CFAP20DC: variants seen among roughly 807,000 people sequenced by gnomAD.
CFAP20DC encodes the protein CFAP20 domain containing, also known as protein CFAP20DC.
Under a neutral mutation model 101.7 loss-of-function variants are expected in CFAP20DC, and 84 were observed. The ratio of observed to expected loss-of-function variants is 0.83; its 90% CI spans 0.69 to 0.99. The LOEUF (loss-of-function observed/expected upper bound fraction) is 0.99. Ranked by LOEUF, CFAP20DC falls within the 50% of genes least tolerant of loss-of-function variation. The pLI, the probability that CFAP20DC is intolerant of heterozygous loss-of-function variation, is 0.00. For synonymous variants in CFAP20DC, 359 were observed against 351.2 expected, an observed-to-expected ratio of 1.02 and a Z score of -0.25; for missense variants, 1,007 against 970.3, an observed-to-expected ratio of 1.04 and a Z score of -0.50.
intron 14 of CFAP20DC, among the ~76,000 whole-genome samples, chr3:58,816,835 C>A (rs1203288853): frequency 6.6e-6 from 1 of 152,174 alleles, no homozygotes; most frequent in Admixed American, 6.5e-5. Context: ...CCTCTGGGGG[C>A]AGGGCACAGA....
At chr3:59,032,363 G>A (rs962322489) in intron 4 of CFAP20DC, among the ~76,000 whole-genome samples, 8 of 151,954 alleles carry the variant, frequency 5.3e-5, no homozygotes, top group Admixed American at 6.6e-5. Flanking sequence ...TTCACTCCCC[G>A]GGAAAGGGGG....
intron 4 of CFAP20DC, among the ~76,000 whole-genome samples, chr3:59,016,607 T>C (rs2093695183): frequency 6.6e-6 from 1 of 152,178 alleles, no homozygotes; most frequent in South Asian, 2.1e-4. Flanking sequence ...ACATTGTATA[T>C]ACACATTGAA....
At chr3:59,030,393 T>C (rs887267885) in intron 4 of CFAP20DC, among the ~76,000 whole-genome samples, 4 of 152,254 alleles carry the variant, frequency 2.6e-5, no homozygotes, top group Non-Finnish European at 5.9e-5. Context: ...TATATTTTGA[T>C]TGTCTATCAG....
At chr3:59,034,086 A>G (rs1381972615) in intron 4 of CFAP20DC, among the ~76,000 whole-genome samples, 1 of 152,236 alleles carries the variant, frequency 6.6e-6, no homozygotes, top group Non-Finnish European at 1.5e-5. Context: ...TTTCATATCC[A>G]GTCAAACTAA....
rs769310453 is a variant in CFAP20DC, at chr3:59,047,168, C to G, written c.108G>C (p.Trp36Cys). 10 of 1,529,612 alleles carry G rather than the reference C, an allele frequency of 6.5e-6. No homozygotes were observed. In the South Asian group the frequency reaches 1.2e-4, roughly 18 times the overall value. The allele number at this position is 1,529,612 out of a possible 1,614,324, so 94.8% of individuals were successfully genotyped here. The part of the protein sequence containing the change: ...WKILGSPSVI[W>C]KEFDKEVKSF... Reference sequence around the variant, plus strand: ...GGCTCTAATTTCTAATACTTACTTTCCAAATCACAGATGGACTACCAAGGA... The same window carrying G: ...GGCTCTAATTTCTAATACTTACTTTGCAAATCACAGATGGACTACCAAGGA... The change falls in exon 2 of 17, where the codon TGG becomes TGC. Residue 36 changes from tryptophan to cysteine, a missense_variant. Trp to Cys is a radical substitution (Grantham distance 215, BLOSUM62 -2). Coordinates refer to ENST00000482387, the MANE Select transcript of CFAP20DC (RefSeq NM_001394063.1).
chr3:59,021,831 C>A (rs1451521291), intron 4 of CFAP20DC, among the ~76,000 whole-genome samples: 1 of 151,984 alleles, frequency 6.6e-6, no homozygotes, highest in Non-Finnish European at 1.5e-5. Context: ...GAGAGAGAGA[C>A]CTGTTGACAA....
chr3:58,758,621 T>C (rs1254123565), intron 15 of CFAP20DC, among the ~76,000 whole-genome samples: 1 of 152,116 alleles, frequency 6.6e-6, no homozygotes, highest in Admixed American at 6.6e-5. Context: ...ATGTGCCATG[T>C]TGGTGTGCTG....
intron 12 of CFAP20DC, among the ~76,000 whole-genome samples, chr3:58,852,533 C>T (rs1250743728): frequency 5.9e-5 from 9 of 152,174 alleles, no homozygotes; most frequent in East Asian, 5.8e-4. Flanking sequence ...CAACAGAATA[C>T]ACATTTTTTT....
intron 4 of CFAP20DC, among the ~76,000 whole-genome samples, chr3:58,980,425 T>C (rs1405652806): frequency 6.6e-6 from 1 of 152,064 alleles, no homozygotes; most frequent in Admixed American, 6.5e-5. Flanking sequence ...TAGACCAATA[T>C]CCTTGATGAA....
chr3:58,755,746 C>T (rs2068902245), intron 15 of CFAP20DC, among the ~76,000 whole-genome samples: 1 of 152,152 alleles, frequency 6.6e-6, no homozygotes, highest in African/African-American at 2.4e-5. Context: ...GTATATCCTT[C>T]ACCCAGTTTC....
chr3:58,758,960 C>T (rs1395241648), intron 15 of CFAP20DC, among the ~76,000 whole-genome samples: 1 of 152,046 alleles, frequency 6.6e-6, no homozygotes, highest in Non-Finnish European at 1.5e-5. Flanking sequence ...GGGTTGGTTC[C>T]AAGTCTTTGC....
intron 3 of CFAP20DC, among the ~76,000 whole-genome samples, chr3:58,730,663 T>C (rs960270911): frequency 1.3e-5 from 2 of 152,238 alleles, no homozygotes; most frequent in Admixed American, 6.5e-5. Flanking sequence ...GGGGTGACTA[T>C]GGCTGGAGAA....
At chr3:58,856,265 G>GACACACACACACACACAC (rs536277954) in intron 12 of CFAP20DC, among the ~76,000 whole-genome samples, 10 of 124,068 alleles carry the variant, frequency 8.1e-5, no homozygotes, top group Non-Finnish European at 1.4e-4. Context: ...TTCATCTTCT[G>GACACACACACACACACAC]ACACACACAC....
At chr3:58,838,896 C>G (rs538814644) in intron 13 of CFAP20DC, among the ~76,000 whole-genome samples, 1 of 152,232 alleles carries the variant, frequency 6.6e-6, no homozygotes, top group African/African-American at 2.4e-5. Context: ...CAAGGATATG[C>G]CATCTACAGG....
At chr3:58,950,648 C>G (rs1427572763) in intron 4 of CFAP20DC, among the ~76,000 whole-genome samples, 2 of 152,096 alleles carry the variant, frequency 1.3e-5, no homozygotes, top group African/African-American at 2.4e-5. Context: ...CTGAGAAAAA[C>G]AAGAAATAGG....
At chr3:58,965,479 A>G (rs1365531795) in intron 4 of CFAP20DC, among the ~76,000 whole-genome samples, 1 of 152,104 alleles carries the variant, frequency 6.6e-6, no homozygotes, top group African/African-American at 2.4e-5. Context: ...GTTCAGGCTA[A>G]AGTTTAGGTT....
At position 58,728,598 on chromosome 3, in the gene CFAP20DC, TAA is replaced by T. The variant is rs2067589803; in HGVS notation, c.198-10972_198-10971del. ...ATTCTGTGCTGAGCTAGCACAGAATTAAGTCAGTAACTTAAAAACATAAATGA... is the reference window on the plus strand; with the variant it reads ...ATTCTGTGCTGAGCTAGCACAGAATTGTCAGTAACTTAAAAACATAAATGA... On this transcript the variant is annotated intron_variant, in intron 3 of 3. Coordinates refer to the CFAP20DC transcript ENST00000486145. This position sits in a 1 kb window ranked among gnomAD's most constrained non-coding sequence, Gnocchi z 4.7. Among the ~76,000 whole-genome samples the T allele has an allele frequency of 6.6e-6, 1 of 152,230 alleles. No homozygotes were observed. The highest frequency in any genetic ancestry group is 1.5e-5 in the Non-Finnish European group (1 of 68,038).
In CFAP20DC at chr3:58,724,717, A is replaced by G. The variant is rs1487197707; in HGVS notation, c.198-7089T>C. Among the ~76,000 whole-genome samples, 2 of 152,128 alleles carry G rather than the reference A, an allele frequency of 1.3e-5. No homozygotes were observed. The highest frequency in any genetic ancestry group is 2.9e-5 in the Non-Finnish European group (2 of 68,034). Reference sequence around the variant, plus strand: ...GAGCTCGGCGCCTTTTGCAGCCTCCATTTTGCAACTGGCCCCCTGGCTCCC... The same window carrying G: ...GAGCTCGGCGCCTTTTGCAGCCTCCGTTTTGCAACTGGCCCCCTGGCTCCC... On this transcript the variant is annotated intron_variant, in intron 3 of 3. Transcript: ENST00000486145. This position sits in a 1 kb window ranked among gnomAD's most constrained non-coding sequence, Gnocchi z 5.6.
At chr3:59,048,539 T>C (rs1700049576) in intron 1 of CFAP20DC, among the ~76,000 whole-genome samples, 1 of 152,158 alleles carries the variant, frequency 6.6e-6, no homozygotes, top group South Asian at 2.1e-4. Flanking sequence ...GTCCTCCAAG[T>C]TTCCTGTAGT....
Sources: gnomAD v4.1 joint callset for allele counts (sites outside exome capture counted in the v4.1 genomes callset) on GRCh38, gnomAD v4.1.1 for gene constraint, Gnocchi (gnomAD v3.1) non-coding constraint, MANE v1.5 for transcripts, NCBI Gene and HGNC (gene_info 2026-07-23, HGNC 2026-07-21) for gene names.